AVEN: variants seen among roughly 807,000 people sequenced by gnomAD.
AVEN encodes the protein cell death regulator Aven.
AVEN carries 41 observed loss-of-function variants against 38.1 expected under a neutral mutation model. The observed-to-expected ratio is 1.08, with a 90% CI of 0.84 to 1.40. AVEN has a LOEUF of 1.40. Ranked by LOEUF, AVEN falls within the 40% of genes most tolerant of loss-of-function variation. The probability of loss-of-function intolerance (pLI) is 0.00; values close to 1 mark genes in which losing one functional copy is unlikely to be tolerated. For synonymous variants in AVEN, 206 were observed against 171.8 expected (o/e 1.20, Z -1.56); for missense variants, 605 against 438.8 (o/e 1.38, Z -3.38).
chr15:33,949,321 A>G (rs938156508), intron 2 of AVEN, among the ~76,000 whole-genome samples: 1 of 152,220 alleles, frequency 6.6e-6, no homozygotes, highest in African/African-American at 2.4e-5. Context: ...CGCCCAGCCA[A>G]ATAAGTCTAA....
chr15:34,071,104 G>A (rs1231244756), intron 1 of AVEN, among the ~76,000 whole-genome samples: 2 of 152,138 alleles, frequency 1.3e-5, no homozygotes, highest in Non-Finnish European at 2.9e-5. Context: ...CCTGCTAAGA[G>A]TAGTTCTTCA....
At chr15:34,007,849 C>T (rs2702286) in intron 1 of AVEN, among the ~76,000 whole-genome samples, 1 of 152,168 alleles carries the variant, frequency 6.6e-6, no homozygotes, top group East Asian at 1.9e-4. Flanking sequence ...TCTCCAGCTT[C>T]TAGTGGTTGC....
chr15:33,986,680 A>G (rs544003), intron 2 of AVEN, among the ~76,000 whole-genome samples: 142,998 of 152,066 alleles, frequency 0.94, 67,843 homozygotes, highest in East Asian at 1. Context: ...TTTTTGAGAC[A>G]GAGTCTCACT....
intron 2 of AVEN, among the ~76,000 whole-genome samples, chr15:33,894,608 A>G (rs907901277): frequency 2.1e-5 from 3 of 145,584 alleles, no homozygotes; most frequent in Admixed American, 1.4e-4. Context: ...TCAGGAATTC[A>G]AGACTAACCT....
intron 2 of AVEN, among the ~76,000 whole-genome samples, chr15:33,983,031 C>T (rs1896222768): frequency 6.6e-6 from 1 of 151,752 alleles, no homozygotes; most frequent in Admixed American, 6.6e-5. Context: ...GCACAAGAAG[C>T]ACAACATTAA....
intron 1 of AVEN, among the ~76,000 whole-genome samples, chr15:34,023,104 A>G (rs1350750714): frequency 6.6e-6 from 1 of 152,146 alleles, no homozygotes; most frequent in Non-Finnish European, 1.5e-5. Context: ...GAACTGCTTG[A>G]ACCCAGGCAG....
rs71119905 is a variant in AVEN at position 33,943,823 on chromosome 15, T to TAAAAAAAAA, written c.445+59200_445+59208dup. ...GGGTGACAGAGCAAGACTCCGTCTT[T>TAAAAAAAAA]AAAAAAAAAAAAAAAAAAAAAAAAA... On this transcript the variant is annotated intron_variant, in intron 2 of 5. Coordinates refer to ENST00000306730, the MANE Select transcript of AVEN (RefSeq NM_020371.3). Among the ~76,000 whole-genome samples the TAAAAAAAAA allele has an allele frequency of 2.5e-4, 22 of 88,878 alleles. 1 individual carries two copies. Among genetic ancestry groups the TAAAAAAAAA allele is most frequent in the African/African-American group, 9.0e-4 (22 of 24,398 alleles). The allele number at this position is 88,878 out of a possible 152,430, so 58.3% of individuals were successfully genotyped here.
At chr15:34,031,690 G>C (rs75648611) in intron 1 of AVEN, among the ~76,000 whole-genome samples, 3 of 152,064 alleles carry the variant, frequency 2.0e-5, no homozygotes, top group African/African-American at 7.3e-5. Flanking sequence ...TGATATGGGC[G>C]GTAGGAAACA....
At chr15:33,916,714 G>A (rs1322703738) in intron 2 of AVEN, among the ~76,000 whole-genome samples, 2 of 152,002 alleles carry the variant, frequency 1.3e-5, no homozygotes, top group African/African-American at 2.4e-5. Flanking sequence ...GTGGTGAAAA[G>A]GGAACACTTT....
At chr15:33,891,265 G>A (rs918268061) in intron 2 of AVEN, among the ~76,000 whole-genome samples, 9 of 151,826 alleles carry the variant, frequency 5.9e-5, no homozygotes, top group Non-Finnish European at 1.3e-4. Context: ...TAAGTTCTAG[G>A]GCACATGTGC....
rs1491531170 is a variant in AVEN at position 33,868,768 on chromosome 15, G to GA, written c.613-914dup. On this transcript the variant is annotated intron_variant, in intron 4 of 5. Coordinates refer to ENST00000306730, the MANE Select transcript of AVEN (RefSeq NM_020371.3). ...GTTAGGTGAGCGAGTGCCTTTTGGG[G>GA]AGAGAGTGACGTGGAGTGTGTATGA... Among the ~76,000 whole-genome samples, 5 of 146,806 alleles carry GA rather than the reference G, an allele frequency of 3.4e-5. No individual in the cohort carries two copies. The East Asian group carries it at 9.7e-4, about 28-fold the overall frequency.
chr15:34,048,810 C>T (rs373735500), intron 5 of AVEN, among the ~76,000 whole-genome samples: 1 of 152,018 alleles, frequency 6.6e-6, no homozygotes, highest in South Asian at 2.1e-4. Flanking sequence ...GGTCAGTATC[C>T]TCCTGGGATG....
chr15:33,923,945 CAA>C (rs1267544531), intron 2 of AVEN, among the ~76,000 whole-genome samples: 1 of 144,000 alleles, frequency 6.9e-6, no homozygotes, highest in Non-Finnish European at 1.5e-5. Context: ...TGCAGGAAAA[CAA>C]GCTCAGGGCT....
intron 2 of AVEN, among the ~76,000 whole-genome samples, chr15:33,932,122 G>T (rs184464481): frequency 6.6e-6 from 1 of 152,308 alleles, no homozygotes; most frequent in East Asian, 1.9e-4. Flanking sequence ...AGCAGCATCA[G>T]AAACTACAAT....
chr15:34,067,099 A>C (rs1446334582), intron 2 of AVEN: 1 of 152,170 alleles, frequency 6.6e-6, no homozygotes, highest in East Asian at 1.9e-4. Context: ...GTCTATAGTA[A>C]ACCATGTATG....
chr15:33,866,345 G>C lies in AVEN; in HGVS notation c.*268C>G. On this transcript the variant is annotated 3_prime_UTR_variant, in exon 6 of 6. Transcript: ENST00000306730. ...CTGGCTATGTTGTAAACACTGCAAG[G>C]AAGGAGGCTAGAAACAAGGGCCAGA... 2 of 494,664 alleles carry C rather than the reference G, an allele frequency of 4.0e-6. No homozygotes were observed. 30.6% of individuals were successfully genotyped at this position (494,664 alleles called of 1,614,324 possible). A position where few individuals can be genotyped will look rare whatever the true frequency, so the allele number is the denominator to read the frequency against.
chr15:33,940,423 G>T (rs1894267753), intron 2 of AVEN, among the ~76,000 whole-genome samples: 1 of 152,152 alleles, frequency 6.6e-6, no homozygotes. Flanking sequence ...TAGTTAGCAG[G>T]CCAGCTCATC....
chr15:33,898,138 G>A (rs901153381), intron 2 of AVEN, among the ~76,000 whole-genome samples: 14 of 151,184 alleles, frequency 9.3e-5, no homozygotes, highest in South Asian at 6.3e-4. Flanking sequence ...GCAGTGAGCC[G>A]AGATCGCACC....
chr15:33,899,027 A>G (rs1364989666), intron 2 of AVEN, among the ~76,000 whole-genome samples: 2 of 152,184 alleles, frequency 1.3e-5, no homozygotes, highest in Admixed American at 6.5e-5. Flanking sequence ...AAGGAGTCCA[A>G]TTTGATAAAA....
Sources: allele counts gnomAD v4.1 joint callset (sites outside exome capture counted in the v4.1 genomes callset), GRCh38; gene constraint gnomAD v4.1.1; transcripts MANE v1.5; gene names NCBI Gene and HGNC (gene_info 2026-07-23, HGNC 2026-07-21).